The following ATXN1 variants were observed in gnomAD, a reference collection of about 807,000 sequenced individuals.
The protein encoded by ATXN1 is ataxin-1.
ATXN1 carries 8 observed loss-of-function variants against 56.4 expected under a neutral mutation model. That is an observed-to-expected ratio of 0.14 (90% CI 0.08 to 0.26). ATXN1 has a LOEUF of 0.26. ATXN1 is among the 10% of genes least tolerant of loss of function. The pLI, the probability that ATXN1 is intolerant of heterozygous loss-of-function variation, is 1.00. For synonymous variants in ATXN1, 514 were observed against 494.6 expected (o/e 1.04, Z -0.52); for missense variants, 987 against 1,106.5 (o/e 0.89, Z 1.53).
chr6:16,717,582 C>A (rs1759664549), intron 2 of ATXN1, among the ~76,000 whole-genome samples: 1 of 152,234 alleles, frequency 6.6e-6, no homozygotes, highest in Admixed American at 6.5e-5. Flanking sequence ...CATTCCCATG[C>A]AGCTTAACAC....
At chr6:16,465,626 C>T (rs1467926553) in intron 6 of ATXN1, among the ~76,000 whole-genome samples, 1 of 152,022 alleles carries the variant, frequency 6.6e-6, no homozygotes, top group East Asian at 1.9e-4. Context: ...GGGATGAATG[C>T]ATGGGGAAGA....
At chr6:16,550,263 T>G (rs1761896881) in intron 4 of ATXN1, among the ~76,000 whole-genome samples, 1 of 152,022 alleles carries the variant, frequency 6.6e-6, no homozygotes, top group Admixed American at 6.6e-5. Context: ...CCTTCCCTCC[T>G]GCACCCTCTC....
intron 2 of ATXN1, among the ~76,000 whole-genome samples, chr6:16,707,184 C>T (rs1282133273): frequency 6.6e-6 from 1 of 151,916 alleles, no homozygotes; most frequent in East Asian, 1.9e-4. Flanking sequence ...TTTTTAATTA[C>T]TATTTCTATA....
chr6:16,674,349 T>A (rs1468652046), intron 2 of ATXN1, among the ~76,000 whole-genome samples: 3 of 140,400 alleles, frequency 2.1e-5, no homozygotes, highest in Non-Finnish European at 4.6e-5. Context: ...TTTTTTTTTT[T>A]TTTTTTTTTT....
intron 4 of ATXN1, among the ~76,000 whole-genome samples, chr6:16,534,093 G>A (rs1051150752): frequency 6.6e-6 from 1 of 152,048 alleles, no homozygotes; most frequent in Non-Finnish European, 1.5e-5. Flanking sequence ...TGACACTGAT[G>A]ACTACCTTCA....
At chr6:16,356,054 G>C (rs563314225) in intron 6 of ATXN1, among the ~76,000 whole-genome samples, 76 of 152,316 alleles carry the variant, frequency 5.0e-4, no homozygotes, top group African/African-American at 1.8e-3. Context: ...TCATTACATC[G>C]AAGTAAGTAA....
chr6:16,390,029 A>G (rs1470789750), intron 6 of ATXN1, among the ~76,000 whole-genome samples: 1 of 152,072 alleles, frequency 6.6e-6, no homozygotes, highest in East Asian at 1.9e-4. Context: ...TAATAGGCCT[A>G]CTCCTTATTT....
At chr6:16,691,147 T>C (rs1355258227) in intron 2 of ATXN1, among the ~76,000 whole-genome samples, 2 of 152,210 alleles carry the variant, frequency 1.3e-5, no homozygotes, top group African/African-American at 2.4e-5. Flanking sequence ...GGAATTTCAT[T>C]GTAAGTGTCG....
rs987004465 is a variant in ATXN1, at chr6:16,760,339, G to A, written c.-730+959C>T. On this transcript the variant is annotated intron_variant, in intron 1 of 7. Coordinates refer to ENST00000436367, the MANE Select transcript of ATXN1 (RefSeq NM_001128164.2). This position sits in a 1 kb window ranked among gnomAD's most constrained non-coding sequence, Gnocchi z 5.3. ...CCCGGCTCAGGGCAGCGCCTGCCGC[G>A]GCTCCTCGTCTCCTGCCGCGGGTGC... Among the ~76,000 whole-genome samples the A allele has an allele frequency of 6.6e-6, 1 of 151,888 alleles. No homozygotes were observed. Among genetic ancestry groups the A allele is most frequent in the African/African-American group, 2.4e-5 (1 of 41,396 alleles).
chr6:16,741,552 A>C (rs1760339632), intron 2 of ATXN1, among the ~76,000 whole-genome samples: 1 of 152,210 alleles, frequency 6.6e-6, no homozygotes, highest in Non-Finnish European at 1.5e-5. Context: ...TCAGAGACAG[A>C]AACTTTGCGA....
chr6:16,391,374 G>C (rs2113522186), intron 6 of ATXN1, among the ~76,000 whole-genome samples: 1 of 152,106 alleles, frequency 6.6e-6, no homozygotes. Flanking sequence ...AATCACCATT[G>C]TGCCTTTTAG....
At chr6:16,380,747 T>C (rs1232568986) in intron 6 of ATXN1, among the ~76,000 whole-genome samples, 3 of 151,988 alleles carry the variant, frequency 2.0e-5, no homozygotes, top group Non-Finnish European at 4.4e-5. Flanking sequence ...TTGACACTCA[T>C]CTCCCCAAAA....
intron 2 of ATXN1, among the ~76,000 whole-genome samples, chr6:16,658,210 G>A (rs957451597): frequency 3.3e-5 from 5 of 152,174 alleles, no homozygotes; most frequent in African/African-American, 7.2e-5. Flanking sequence ...CAAGTTTACC[G>A]ATTGAAAGAT....
At chr6:16,747,799 G>GCTACTGAATTCATTCTCC (rs769226966) in intron 2 of ATXN1, among the ~76,000 whole-genome samples, 1 of 152,166 alleles carries the variant, frequency 6.6e-6, no homozygotes, top group Non-Finnish European at 1.5e-5. Context: ...TTCATTCACT[G>GCTACTGAATTCATTCTCC]TTCTAGTGAA....
intron 4 of ATXN1, among the ~76,000 whole-genome samples, chr6:16,565,760 A>T (rs1004535007): frequency 2.5e-4 from 38 of 152,212 alleles, no homozygotes; most frequent in African/African-American, 7.7e-4. Context: ...AGTCTCTTTA[A>T]ATGTTAATAA....
intron 3 of ATXN1, among the ~76,000 whole-genome samples, chr6:16,606,462 G>A (rs936387865): frequency 3.9e-5 from 6 of 151,978 alleles, no homozygotes; most frequent in African/African-American, 1.4e-4. Flanking sequence ...CCATGCAGGG[G>A]ATAATGGGCA....
At chr6:16,428,920 G>GA (rs1235988643) in intron 6 of ATXN1, among the ~76,000 whole-genome samples, 1 of 152,218 alleles carries the variant, frequency 6.6e-6, no homozygotes, top group Non-Finnish European at 1.5e-5. Flanking sequence ...TGAAGTAGAG[G>GA]AAGGATTTTG....
chr6:16,461,768 G>T (rs1450367025), intron 6 of ATXN1, among the ~76,000 whole-genome samples: 1 of 152,184 alleles, frequency 6.6e-6, no homozygotes, highest in Non-Finnish European at 1.5e-5. Context: ...CAGGGCACTA[G>T]GGATACAATA....
intron 6 of ATXN1, among the ~76,000 whole-genome samples, chr6:16,383,424 C>T (rs1055292523): frequency 2.3e-4 from 35 of 152,080 alleles, no homozygotes; most frequent in African/African-American, 6.0e-4. Context: ...TAGTCTTTCA[C>T]GTAATGGGAG....
Sources: allele counts gnomAD v4.1 joint callset (sites outside exome capture counted in the v4.1 genomes callset), GRCh38; gene constraint gnomAD v4.1.1; non-coding constraint Gnocchi (gnomAD v3.1); transcripts MANE v1.5; gene names NCBI Gene and HGNC (gene_info 2026-07-23, HGNC 2026-07-21).